ERICH1: variants seen among roughly 807,000 people sequenced by gnomAD.
ERICH1 encodes glutamate rich 1, also known as glutamate-rich protein 1.
ERICH1 carries 56 observed loss-of-function variants against 39.6 expected under a neutral mutation model. That is an observed-to-expected ratio of 1.41 (90% CI 1.14 to 1.77). The LOEUF is 1.77. ERICH1 is among the 40% of genes most tolerant of loss of function. The pLI is 0.00. For missense variants in ERICH1, 826 were observed against 575.4 expected (o/e 1.44, Z -4.45); for synonymous variants, 313 against 223.6 (o/e 1.40, Z -3.57).
chr8:674,505 T>C (rs996817568), intron 3 of ERICH1, among the ~76,000 whole-genome samples: 1 of 152,078 alleles, frequency 6.6e-6, no homozygotes, highest in Non-Finnish European at 1.5e-5. Flanking sequence ...GGTTTCGCCA[T>C]GTTGGCCAGG....
chr8:634,132 G>T (rs1349572317), intron 3 of ERICH1, among the ~76,000 whole-genome samples: 1 of 126,372 alleles, frequency 7.9e-6, no homozygotes, highest in Non-Finnish European at 1.6e-5. Context: ...CTAGTAAGGG[G>T]TTAAAAACCA....
chr8:686,955 C>A (rs1047417744), intron 3 of ERICH1, among the ~76,000 whole-genome samples: 1 of 152,116 alleles, frequency 6.6e-6, no homozygotes, highest in African/African-American at 2.4e-5. Context: ...CGGGGGGCAG[C>A]CCCATCACCC....
chr8:620,303 C>G (rs1030226707), intron 3 of ERICH1, among the ~76,000 whole-genome samples: 1 of 152,084 alleles, frequency 6.6e-6, no homozygotes, highest in Non-Finnish European at 1.5e-5. Context: ...CAGAGTGAGA[C>G]TCTGTCTCAA....
At chr8:633,068 C>T (rs776738346) in intron 3 of ERICH1, among the ~76,000 whole-genome samples, 8 of 152,124 alleles carry the variant, frequency 5.3e-5, no homozygotes, top group African/African-American at 9.7e-5. Context: ...GTGGGGCCCG[C>T]GCGGGGCCGC....
intron 3 of ERICH1, among the ~76,000 whole-genome samples, chr8:620,104 G>C (rs1214856738): frequency 6.6e-6 from 1 of 151,504 alleles, no homozygotes; most frequent in Non-Finnish European, 1.5e-5. Flanking sequence ...ACGAGGTCAG[G>C]AGTTCGAAAC....
At chr8:639,962 A>T (rs940938928) in intron 3 of ERICH1, among the ~76,000 whole-genome samples, 1 of 152,164 alleles carries the variant, frequency 6.6e-6, no homozygotes, top group African/African-American at 2.4e-5. Context: ...TTCTCAAGAG[A>T]CAAAGAAGAA....
chr8:680,096 T>A (rs1195587497), intron 3 of ERICH1, among the ~76,000 whole-genome samples: 1 of 91,898 alleles, frequency 1.1e-5, no homozygotes, highest in African/African-American at 4.7e-5. Flanking sequence ...GCCACCCCTG[T>A]GAACACAGAA....
At chr8:704,036 G>A (rs770388899) in intron 2 of ERICH1, among the ~76,000 whole-genome samples, 1 of 152,150 alleles carries the variant, frequency 6.6e-6, no homozygotes, top group African/African-American at 2.4e-5. Context: ...CACAGGAATC[G>A]AGAATGATGG....
At chr8:655,271 C>T (rs1800484975) in intron 3 of ERICH1, among the ~76,000 whole-genome samples, 1 of 152,238 alleles carries the variant, frequency 6.6e-6, no homozygotes, top group African/African-American at 2.4e-5. Flanking sequence ...CTAAAATTCT[C>T]TTTCACTCTT....
At chr8:615,291 A>T (rs1796852039) in intron 3 of ERICH1, 2 of 690,152 alleles carry the variant, frequency 2.9e-6, no homozygotes, top group African/African-American at 3.5e-5. Flanking sequence ...ACTCCTGGAA[A>T]ATCAGGTTAA....
At position 674,105 on chromosome 8, in the gene ERICH1, T is replaced by C. The variant is rs1029505045; in HGVS notation, c.305-58A>G. ...GTACAATGAAACCATAACAAACATA[T>C]TAGGCTAAATAAATTTTCCATCAGG... On this transcript the variant is annotated intron_variant, in intron 3 of 5. Coordinates refer to ENST00000262109, the MANE Select transcript of ERICH1 (RefSeq NM_207332.3). The C allele has an allele frequency of 1.1e-5, 16 of 1,474,338 alleles. 3 individuals are homozygous for C. The highest frequency in any genetic ancestry group is 7.1e-6 in the Non-Finnish European group (8 of 1,121,312). 91.3% of individuals were successfully genotyped at this position (1,474,338 alleles called of 1,614,324 possible). A position where few individuals can be genotyped will look rare whatever the true frequency, so the allele number is the denominator to read the frequency against.
chr8:715,784 C>T (rs560460384), intron 2 of ERICH1, 77 bp downstream of exon 2: 1 of 1,533,494 alleles, frequency 6.5e-7, no homozygotes, highest in African/African-American at 1.4e-5. Flanking sequence ...CCAAAAGACA[C>T]ATTCTCCAAG....
chr8:727,519 C>T (rs1272140066), intron 1 of ERICH1, among the ~76,000 whole-genome samples: 3 of 152,246 alleles, frequency 2.0e-5, no homozygotes, highest in Non-Finnish European at 4.4e-5. Context: ...GGCCGCCTGC[C>T]TGCTGCAGAC....
intron 3 of ERICH1, among the ~76,000 whole-genome samples, chr8:633,545 A>G (rs1798184908): frequency 6.6e-6 from 1 of 152,224 alleles, no homozygotes; most frequent in Non-Finnish European, 1.5e-5. Context: ...CCCACCCTAA[A>G]TTCACATGGA....
exon 4 of ERICH1, chr8:615,264 C>T (rs760796328): frequency 8.6e-6 from 6 of 697,112 alleles, no homozygotes; most frequent in South Asian, 1.5e-5. Context: ...ATTTTCTTGG[C>T]TTTAAGTCTG....
At chr8:656,794 A>C (rs1585073100) in intron 3 of ERICH1, 2 of 985,022 alleles carry the variant, frequency 2.0e-6, no homozygotes, top group Non-Finnish European at 2.4e-6. Flanking sequence ...TGGTTCCCAG[A>C]CTCCCAGCCT....
chr8:664,632 G>A lies in ERICH1; in HGVS notation c.1303C>T (p.His435Tyr). 1 of 1,613,082 alleles carries A rather than the reference G, an allele frequency of 6.2e-7. No homozygotes were observed. Residue 435 changes from histidine (H) to tyrosine (Y), a missense_variant, in exon 6 of 6, where the codon CAT becomes TAT. By Grantham distance (83) the His-to-Tyr change is moderately conservative. Coordinates refer to ENST00000262109, the MANE Select transcript of ERICH1 (RefSeq NM_207332.3). ...ISAFFSYWIT[H>Y]ILPEKSSD Reference sequence around the variant, plus strand: ...TCACTGCTCTTCTCAGGAAGGATATGTGTGATCCAGTAACTAAAGAAAGCT... The same window carrying A: ...TCACTGCTCTTCTCAGGAAGGATATATGTGATCCAGTAACTAAAGAAAGCT...
chr8:630,656 CACAG>C (rs559178034), intron 3 of ERICH1, among the ~76,000 whole-genome samples: 2 of 128,820 alleles, frequency 1.6e-5, no homozygotes, highest in African/African-American at 6.1e-5. Context: ...TGACCACCCA[CACAG>C]ACAGAGCTGA....
At chr8:663,747 A>G (rs1395238552), downstream of ERICH1, among the ~76,000 whole-genome samples, 1 of 151,826 alleles carries the variant, frequency 6.6e-6, no homozygotes, top group Non-Finnish European at 1.5e-5. Flanking sequence ...TGCTGTACCA[A>G]TTGACTGATG....
Sources: gnomAD v4.1 joint callset for allele counts (sites outside exome capture counted in the v4.1 genomes callset) on GRCh38, gnomAD v4.1.1 for gene constraint, MANE v1.5 for transcripts, NCBI Gene and HGNC (gene_info 2026-07-23, HGNC 2026-07-21) for gene names.